Variants in CNTN5 observed in about 807,000 individuals in gnomAD.
CNTN5 encodes the protein contactin 5.
In CNTN5, 77 loss-of-function variants were observed where a neutral mutation model predicts 129.1. The observed-to-expected ratio is 0.60, with a 90% CI of 0.50 to 0.72. CNTN5 has a LOEUF of 0.72. Among genes scored for constraint, CNTN5 ranks in the 30% least tolerant of loss-of-function variants. CNTN5 has a pLI of 0.00. For synonymous variants in CNTN5, 509 were observed against 465.6 expected (o/e 1.09, Z -1.20); for missense variants, 1,478 against 1,328.8 (o/e 1.11, Z -1.75).
chr11:100,267,164 G>A (rs1173500667), intron 17 of CNTN5, among the ~76,000 whole-genome samples: 1 of 151,734 alleles, frequency 6.6e-6, no homozygotes, highest in Non-Finnish European at 1.5e-5. Context: ...TGGACTGAGT[G>A]GATTAAACAA....
At position 99,409,230 on chromosome 11, in the gene CNTN5, C is replaced by T. The variant is rs545722401; in HGVS notation, c.-71+83746C>T. On this transcript the variant is annotated intron_variant, in intron 2 of 24. Transcript: ENST00000524871. The stretch of plus-strand genomic sequence containing the variant: ...CCGTAATCCCAGCACTTTGGGAGGC[C>T]ATGGTGGGTGGATCACGAGGTCAGG... Among the ~76,000 whole-genome samples, 6 of 152,276 alleles carry T rather than the reference C, an allele frequency of 3.9e-5. No individual in the cohort carries two copies. In the South Asian group the frequency reaches 8.3e-4, roughly 21 times the overall value.
intron 6 of CNTN5, among the ~76,000 whole-genome samples, chr11:99,909,572 A>G (rs371802462): frequency 2.1e-4 from 32 of 152,164 alleles, no homozygotes; most frequent in Admixed American, 1.2e-3. Context: ...CAAATGTCCA[A>G]CAATGATAGA....
intron 18 of CNTN5, among the ~76,000 whole-genome samples, chr11:100,272,838 C>T (rs1950432101): frequency 6.6e-6 from 1 of 152,100 alleles, no homozygotes; most frequent in South Asian, 2.1e-4. Flanking sequence ...GAAGGAGACC[C>T]CCTAGACCAC....
chr11:99,465,635 A>ATT (rs1268466689), intron 2 of CNTN5, among the ~76,000 whole-genome samples: 5 of 18,680 alleles, frequency 2.7e-4, no homozygotes, highest in Non-Finnish European at 2.5e-3. Flanking sequence ...TGAATAAATT[A>ATT]ATTTTTTTTA....
chr11:100,152,814 G>A (rs554574828), intron 13 of CNTN5, among the ~76,000 whole-genome samples: 1 of 152,108 alleles, frequency 6.6e-6, no homozygotes, highest in African/African-American at 2.4e-5. Flanking sequence ...TTCAAAGTAT[G>A]TTATAGCATT....
At chr11:99,398,428 T>C (rs1941638232) in intron 2 of CNTN5, among the ~76,000 whole-genome samples, 1 of 151,972 alleles carries the variant, frequency 6.6e-6, no homozygotes, top group Non-Finnish European at 1.5e-5. Flanking sequence ...CTATGCATTT[T>C]AGCAAATGCT....
At chr11:99,733,065 C>A (rs1402993345) in intron 3 of CNTN5, among the ~76,000 whole-genome samples, 1 of 152,080 alleles carries the variant, frequency 6.6e-6, no homozygotes, top group Admixed American at 6.5e-5. Flanking sequence ...GTGGCTCACG[C>A]CTGTCATCCC....
chr11:100,266,767 T>G (rs1405130031), intron 17 of CNTN5, among the ~76,000 whole-genome samples: 1 of 152,066 alleles, frequency 6.6e-6, no homozygotes, highest in Non-Finnish European at 1.5e-5. Context: ...AAGATTATTT[T>G]TATATGTATT....
At chr11:100,269,285 G>C (rs931781616) in intron 17 of CNTN5, among the ~76,000 whole-genome samples, 46 of 152,182 alleles carry the variant, frequency 3.0e-4, no homozygotes, top group African/African-American at 1.1e-3. Context: ...CAGTATGATG[G>C]AAAACTGGAG....
At chr11:99,508,533 T>C (rs770163847) in intron 2 of CNTN5, among the ~76,000 whole-genome samples, 1 of 152,142 alleles carries the variant, frequency 6.6e-6, no homozygotes, top group Non-Finnish European at 1.5e-5. Context: ...CAGCTTTTTG[T>C]ATCCACAGGG....
intron 1 of CNTN5, among the ~76,000 whole-genome samples, chr11:99,192,874 T>C (rs1371449816): frequency 6.6e-6 from 1 of 152,134 alleles, no homozygotes; most frequent in East Asian, 1.9e-4. Flanking sequence ...CAGATGCCCA[T>C]ATAACAGCAC....
chr11:99,638,213 T>G (rs1045551594), intron 3 of CNTN5, among the ~76,000 whole-genome samples: 10 of 152,030 alleles, frequency 6.6e-5, no homozygotes, highest in Admixed American at 4.6e-4. Context: ...AAATCCCTAA[T>G]AAACCCACTG....
chr11:99,305,221 A>G (rs1399067507), intron 1 of CNTN5, among the ~76,000 whole-genome samples: 1 of 152,228 alleles, frequency 6.6e-6, no homozygotes, highest in Non-Finnish European at 1.5e-5. Flanking sequence ...GTCTCTCTGA[A>G]TGAATTATGA....
intron 1 of CNTN5, among the ~76,000 whole-genome samples, chr11:99,231,469 G>T (rs1242427545): frequency 2.6e-5 from 4 of 152,062 alleles, no homozygotes; most frequent in Admixed American, 2.6e-4. Context: ...GTCTGTCCGT[G>T]TCCTTTGCCC....
At chr11:99,762,479 CA>C (rs1001857453) in intron 3 of CNTN5, among the ~76,000 whole-genome samples, 1 of 151,884 alleles carries the variant, frequency 6.6e-6, no homozygotes, top group African/African-American at 2.4e-5. Context: ...CAGCTTTCTC[CA>C]TATGGCTAGC....
At chr11:99,277,204 A>T (rs528860407) in intron 1 of CNTN5, among the ~76,000 whole-genome samples, 3 of 151,838 alleles carry the variant, frequency 2.0e-5, no homozygotes, top group East Asian at 3.9e-4. Context: ...TTCATTTTTT[A>T]AAATTTTAAG....
chr11:99,767,409 C>T (rs1295311617), intron 3 of CNTN5, among the ~76,000 whole-genome samples: 1 of 152,010 alleles, frequency 6.6e-6, no homozygotes, highest in Non-Finnish European at 1.5e-5. Flanking sequence ...AAAAAGAAAG[C>T]TGGTGTCAAC....
intron 1 of CNTN5, among the ~76,000 whole-genome samples, chr11:99,198,141 C>T (rs1858996096): frequency 1.3e-5 from 2 of 152,098 alleles, no homozygotes; most frequent in African/African-American, 4.8e-5. Context: ...AACAAATGCT[C>T]ACCCTGTTTT....
At chr11:99,118,894 A>G (rs1858170608) in intron 1 of CNTN5, among the ~76,000 whole-genome samples, 1 of 152,036 alleles carries the variant, frequency 6.6e-6, no homozygotes, top group Non-Finnish European at 1.5e-5. Context: ...ATTTAGGTAT[A>G]CCATAATTAT....
Sources: gnomAD v4.1 joint callset for allele counts (sites outside exome capture counted in the v4.1 genomes callset) on GRCh38, gnomAD v4.1.1 for gene constraint, MANE v1.5 for transcripts, NCBI Gene and HGNC (gene_info 2026-07-23, HGNC 2026-07-21) for gene names.